Variants in SLC24A2 observed in about 807,000 individuals in gnomAD.
The protein encoded by SLC24A2 is sodium/potassium/calcium exchanger 2.
SLC24A2 carries 36 observed loss-of-function variants against 62.0 expected under a neutral mutation model. That is an observed-to-expected ratio of 0.58 (90% CI 0.44 to 0.77). SLC24A2 has a LOEUF of 0.77. SLC24A2 is among the 30% of genes least tolerant of loss of function. The pLI, the probability that SLC24A2 is intolerant of heterozygous loss-of-function variation, is 0.00. For synonymous variants in SLC24A2, 358 were observed against 294.0 expected (o/e 1.22, Z -2.23); for missense variants, 846 against 817.9 (o/e 1.03, Z -0.42).
At chr9:20,255,327 C>A in the SLC24A2 span, among the ~76,000 whole-genome samples, 11 of 152,312 alleles carry the variant, frequency 7.2e-5, no homozygotes, top group African/African-American at 2.6e-4. Flanking sequence ...TGGCATTAAA[C>A]AGTGTAGTTT....
At chr9:19,959,149 A>C in the SLC24A2 span, among the ~76,000 whole-genome samples, 1 of 152,210 alleles carries the variant, frequency 6.6e-6, no homozygotes, top group Non-Finnish European at 1.5e-5. Context: ...GCTAGAGATA[A>C]TTGGCAGAAC....
the SLC24A2 span, among the ~76,000 whole-genome samples, chr9:20,008,758 A>G: frequency 3.3e-5 from 5 of 152,194 alleles, no homozygotes; most frequent in Non-Finnish European, 7.3e-5. Flanking sequence ...GGTTGCATTG[A>G]GTTCTCCCAC....
the SLC24A2 span, among the ~76,000 whole-genome samples, chr9:19,876,365 CGTGTGT>C: frequency 7.8e-3 from 1,132 of 145,570 alleles, 6 homozygotes; most frequent in Middle Eastern, 0.025. Flanking sequence ...TTATTGAAGG[CGTGTGT>C]GTGTGTGTGT....
intron 2 of SLC24A2, among the ~76,000 whole-genome samples, chr9:19,695,679 C>CAAAA (rs66668393): frequency 3.0e-4 from 22 of 73,536 alleles, no homozygotes; most frequent in Non-Finnish European, 4.3e-4. Flanking sequence ...TTGTTAGTAG[C>CAAAA]AAAAAAAAAA....
At chr9:19,771,484 T>C (rs1041263225) in intron 2 of SLC24A2, among the ~76,000 whole-genome samples, 56 of 152,222 alleles carry the variant, frequency 3.7e-4, no homozygotes, top group African/African-American at 1.3e-3. Context: ...AGTAGATTTG[T>C]AATGGCCCTT....
chr9:19,639,199 A>G (rs1010584133), intron 2 of SLC24A2, among the ~76,000 whole-genome samples: 5 of 152,210 alleles, frequency 3.3e-5, no homozygotes, highest in African/African-American at 7.2e-5. Flanking sequence ...GCACCACTTT[A>G]TTATAGGTAA....
chr9:20,051,742 A>AT, the SLC24A2 span, among the ~76,000 whole-genome samples: 3 of 134,814 alleles, frequency 2.2e-5, no homozygotes, highest in African/African-American at 8.6e-5. Context: ...CATTTCAAAG[A>AT]TTTTCTGAAA....
intron 2 of SLC24A2, among the ~76,000 whole-genome samples, chr9:19,678,105 C>T (rs752658826): frequency 3.9e-5 from 6 of 152,136 alleles, no homozygotes; most frequent in Non-Finnish European, 7.4e-5. Flanking sequence ...CATCCCATCA[C>T]TCAGGCTAAT....
the SLC24A2 span, among the ~76,000 whole-genome samples, chr9:20,020,662 T>G: frequency 6.6e-6 from 1 of 152,222 alleles, no homozygotes; most frequent in African/African-American, 2.4e-5. Flanking sequence ...ATGGCAATTA[T>G]ATACCTTTGT....
the SLC24A2 span, among the ~76,000 whole-genome samples, chr9:20,304,228 G>T: frequency 2.0e-5 from 3 of 152,180 alleles, no homozygotes; most frequent in East Asian, 5.8e-4. Flanking sequence ...TTTCACTGCT[G>T]GATGCTCTGT....
chr9:20,020,612 C>T, the SLC24A2 span, among the ~76,000 whole-genome samples: 24 of 152,210 alleles, frequency 1.6e-4, no homozygotes, highest in African/African-American at 5.8e-4. Flanking sequence ...TGGAGAAATA[C>T]CTATTGTAGA....
upstream of SLC24A2, among the ~76,000 whole-genome samples, chr9:19,791,330 A>C (rs118118013): frequency 6.6e-6 from 1 of 152,226 alleles, no homozygotes; most frequent in Non-Finnish European, 1.5e-5. Flanking sequence ...GATTCTGTCA[A>C]TGCTTCACTT....
At chr9:19,748,089 C>G (rs2118796397) in intron 2 of SLC24A2, among the ~76,000 whole-genome samples, 1 of 152,248 alleles carries the variant, frequency 6.6e-6, no homozygotes, top group East Asian at 1.9e-4. Context: ...CGTAAGTTCA[C>G]TAAAGAGATA....
At chr9:20,295,036 G>A in the SLC24A2 span, among the ~76,000 whole-genome samples, 6 of 145,676 alleles carry the variant, frequency 4.1e-5, no homozygotes, top group South Asian at 2.2e-4. Flanking sequence ...GTGTATATAT[G>A]TATATATATA....
At chr9:19,621,826 A>G (rs1329289089) in intron 3 of SLC24A2, among the ~76,000 whole-genome samples, 2 of 152,220 alleles carry the variant, frequency 1.3e-5, no homozygotes, top group African/African-American at 4.8e-5. Flanking sequence ...CATTAAGTAT[A>G]TAGGTCTCAT....
chr9:20,161,597 TATA>T, the SLC24A2 span, among the ~76,000 whole-genome samples: 1 of 151,400 alleles, frequency 6.6e-6, no homozygotes, highest in South Asian at 2.1e-4. Flanking sequence ...TATAATTCCC[TATA>T]ATAAGTCTAA....
At chr9:19,549,352 C>T (rs564609790) in intron 8 of SLC24A2, among the ~76,000 whole-genome samples, 39 of 152,226 alleles carry the variant, frequency 2.6e-4, no homozygotes, top group African/African-American at 8.7e-4. Context: ...ATGACACTGA[C>T]GTATTCTAGG....
intron 8 of SLC24A2, among the ~76,000 whole-genome samples, chr9:19,533,703 T>C (rs886521373): frequency 6.6e-6 from 1 of 152,154 alleles, no homozygotes; most frequent in African/African-American, 2.4e-5. Flanking sequence ...AGCTGAACTG[T>C]CCAGCTGAGC....
the SLC24A2 span, among the ~76,000 whole-genome samples, chr9:19,874,075 CTTTTTTTTTTTTTT>C: frequency 1.9e-4 from 20 of 107,282 alleles, no homozygotes; most frequent in South Asian, 5.4e-3. Flanking sequence ...CTTTTCTTTT[CTTTTTTTTTTTTTT>C]TTTTTTTTGA....
Sources: allele counts gnomAD v4.1 joint callset (sites outside exome capture counted in the v4.1 genomes callset), GRCh38; gene constraint gnomAD v4.1.1; transcripts MANE v1.5; gene names NCBI Gene and HGNC (gene_info 2026-07-23, HGNC 2026-07-21).